Variants in CFAP58 observed in about 807,000 individuals in gnomAD.
CFAP58 encodes cilia- and flagella-associated protein 58.
CFAP58 carries 88 observed loss-of-function variants against 119.5 expected under a neutral mutation model. The ratio of observed to expected loss-of-function variants is 0.74; its 90% CI spans 0.62 to 0.88. The LOEUF (loss-of-function observed/expected upper bound fraction) is 0.88, where lower values mean the gene tolerates loss of function less well. Among genes scored for constraint, CFAP58 ranks in the 40% least tolerant of loss-of-function variants. CFAP58 has a pLI of 0.00. For missense variants in CFAP58, 990 were observed against 1,021.2 expected (o/e 0.97, Z 0.42); for synonymous variants, 365 against 366.3 (o/e 1.00, Z 0.04).
intron 15 of CFAP58, among the ~76,000 whole-genome samples, chr10:104,434,997 T>C (rs1440207417): frequency 6.6e-6 from 1 of 152,204 alleles, no homozygotes; most frequent in Admixed American, 6.5e-5. Flanking sequence ...AAGGATCAGA[T>C]ATAATTTATG....
intron 15 of CFAP58, among the ~76,000 whole-genome samples, chr10:104,440,309 A>G (rs892029277): frequency 6.7e-6 from 1 of 150,254 alleles, no homozygotes. Context: ...CAAGAATAGG[A>G]AAAAAAAATT....
chr10:104,409,622 T>G (rs1364451895), intron 15 of CFAP58, among the ~76,000 whole-genome samples: 1 of 152,208 alleles, frequency 6.6e-6, no homozygotes, highest in Non-Finnish European at 1.5e-5. Context: ...TTTTTCGCTT[T>G]AAGAACATTT....
chr10:104,385,404 A>G (rs1180349907), intron 9 of CFAP58, among the ~76,000 whole-genome samples: 2 of 152,216 alleles, frequency 1.3e-5, no homozygotes, highest in Admixed American at 6.5e-5. Context: ...GATGAAATAA[A>G]AAGGAAGAGT....
intron 11 of CFAP58, among the ~76,000 whole-genome samples, chr10:104,398,910 G>A (rs1160457646): frequency 6.6e-6 from 1 of 152,114 alleles, no homozygotes; most frequent in African/African-American, 2.4e-5. Context: ...CTTACAAAGG[G>A]CTTTACCTTT....
chr10:104,388,699 G>A (rs2011973782), intron 9 of CFAP58, among the ~76,000 whole-genome samples: 1 of 152,260 alleles, frequency 6.6e-6, no homozygotes. Flanking sequence ...GGTTCCAAAT[G>A]CAATGACCTA....
chr10:104,350,810 G>T (rs1429874703), upstream of CFAP58, among the ~76,000 whole-genome samples: 1 of 152,192 alleles, frequency 6.6e-6, no homozygotes, highest in East Asian at 1.9e-4. Context: ...GGTGCTTCCT[G>T]TGGGCAGCCT....
intron 15 of CFAP58, among the ~76,000 whole-genome samples, chr10:104,435,823 G>T (rs1176694947): frequency 6.6e-6 from 1 of 152,102 alleles, no homozygotes; most frequent in East Asian, 1.9e-4. Context: ...TGCATTCTGG[G>T]CTTATATTTC....
At chr10:104,357,501 C>T (rs1013327773) in intron 1 of CFAP58, among the ~76,000 whole-genome samples, 8 of 152,126 alleles carry the variant, frequency 5.3e-5, no homozygotes, top group Admixed American at 1.3e-4. Flanking sequence ...CCCCCCGCTG[C>T]CCTTTGCAGT....
chr10:104,436,724 G>A (rs985126057), intron 15 of CFAP58, among the ~76,000 whole-genome samples: 3 of 152,132 alleles, frequency 2.0e-5, no homozygotes, highest in African/African-American at 7.2e-5. Flanking sequence ...GTGAGATTGG[G>A]TCAGGGACAA....
chr10:104,437,826 A>C (rs2012958479), intron 15 of CFAP58, among the ~76,000 whole-genome samples: 1 of 152,196 alleles, frequency 6.6e-6, no homozygotes, highest in Non-Finnish European at 1.5e-5. Flanking sequence ...AATAAAATAC[A>C]AAAAACATTA....
At chr10:104,349,928 G>A (rs1202394148), upstream of CFAP58, among the ~76,000 whole-genome samples, 1 of 152,240 alleles carries the variant, frequency 6.6e-6, no homozygotes, top group Non-Finnish European at 1.5e-5. Flanking sequence ...GTGGGAAAGA[G>A]CATGGCTACC....
chr10:104,358,740 A>G (rs974656348), intron 2 of CFAP58, 118 bp downstream of exon 2: 25 of 889,000 alleles, frequency 2.8e-5, no homozygotes, highest in African/African-American at 2.2e-4. Context: ...ATGATTTTAT[A>G]TTCATTAAGC....
upstream of CFAP58, chr10:104,351,533 A>C (rs1247577208): frequency 6.6e-6 from 1 of 152,172 alleles, no homozygotes; most frequent in Non-Finnish European, 1.5e-5. Flanking sequence ...CTCAGAACAT[A>C]CTCATGTCTA....
intron 15 of CFAP58, among the ~76,000 whole-genome samples, chr10:104,418,125 A>C (rs1054701028): frequency 7.2e-5 from 11 of 152,242 alleles, no homozygotes; most frequent in Admixed American, 1.3e-4. Flanking sequence ...CATTCACGGA[A>C]CATCACAGTT....
At chr10:104,449,957 C>A in intron 16 of CFAP58, 114 bp from the exon 17 acceptor site, 1 of 1,024,368 alleles carries the variant, frequency 9.8e-7, no homozygotes, top group South Asian at 1.7e-5. Context: ...AATTGTGAAA[C>A]TTGGGCATTG....
chr10:104,433,401 C>T (rs1003440914), intron 15 of CFAP58, among the ~76,000 whole-genome samples: 8 of 152,196 alleles, frequency 5.3e-5, no homozygotes, highest in African/African-American at 1.9e-4. Flanking sequence ...TTAGAAAGAC[C>T]TCCCAAGAGA....
At chr10:104,370,071 C>A (rs1255404337) in intron 6 of CFAP58, among the ~76,000 whole-genome samples, 2 of 151,966 alleles carry the variant, frequency 1.3e-5, no homozygotes, top group Admixed American at 6.6e-5. Flanking sequence ...GAAGGAGGAC[C>A]CCTTCTCTAG....
At chr10:104,360,192 G>A (rs1037365738) in intron 2 of CFAP58, among the ~76,000 whole-genome samples, 1 of 152,126 alleles carries the variant, frequency 6.6e-6, no homozygotes, top group Non-Finnish European at 1.5e-5. Flanking sequence ...CATTCTACTC[G>A]ACAGAATTTT....
upstream of CFAP58, chr10:104,351,907 G>A (rs552596126): frequency 2.0e-5 from 3 of 152,254 alleles, no homozygotes; most frequent in East Asian, 5.8e-4. Flanking sequence ...GCAGATTGAT[G>A]TCCAGGCTTC....
Sources: gnomAD v4.1 joint callset for allele counts (sites outside exome capture counted in the v4.1 genomes callset) on GRCh38, gnomAD v4.1.1 for gene constraint, MANE v1.5 for transcripts, NCBI Gene and HGNC (gene_info 2026-07-23, HGNC 2026-07-21) for gene names.